NICOL1: variants seen among roughly 807,000 people sequenced by gnomAD.
NICOL1 encodes the protein NELL2 interacting cell ontogeny regulator 1.
At chr4:2,039,171 C>T in the NICOL1 span, among the ~76,000 whole-genome samples, 4 of 152,036 alleles carry the variant, frequency 2.6e-5, no homozygotes, top group South Asian at 2.1e-4. Context: ...CCCAGTACTT[C>T]GGGAGGCCAA....
chr4:2,041,907 G>T, the NICOL1 span: 1 of 1,350,338 alleles, frequency 7.4e-7, no homozygotes, highest in Non-Finnish European at 9.6e-7. Context: ...AGCGTCCTAG[G>T]TTCCTCTAAA....
At chr4:2,040,736 G>A in the NICOL1 span, among the ~76,000 whole-genome samples, 2 of 152,220 alleles carry the variant, frequency 1.3e-5, no homozygotes, top group Admixed American at 1.3e-4. Flanking sequence ...GTGCGTTTCA[G>A]CGCGCTGAGG....
At chr4:2,042,375 G>T in the NICOL1 span, 45 of 515,080 alleles carry the variant, frequency 8.7e-5, no homozygotes, top group East Asian at 1.6e-3. Flanking sequence ...CCGCGTGCCG[G>T]TCCCCGATGT....
At chr4:2,042,946 G>A in the NICOL1 span, 1 of 618,374 alleles carries the variant, frequency 1.6e-6, no homozygotes. Context: ...GATTTAAGAT[G>A]CCGCACCTTG....
chr4:2,042,777 C>T, the NICOL1 span: 2 of 1,518,900 alleles, frequency 1.3e-6, no homozygotes, highest in South Asian at 1.2e-5. Context: ...GTTCATGCAG[C>T]GCGCCCTGCA....
the NICOL1 span, among the ~76,000 whole-genome samples, chr4:2,038,373 G>C: frequency 6.7e-6 from 1 of 149,670 alleles, no homozygotes; most frequent in Non-Finnish European, 1.5e-5. Flanking sequence ...CTGCAGCCTC[G>C]AACTCCTAGG....
At chr4:2,043,781 G>T in the NICOL1 span, 24 of 1,221,544 alleles carry the variant, frequency 2.0e-5, no homozygotes, top group Non-Finnish European at 2.7e-5. Flanking sequence ...TGGAGATAGG[G>T]CTGCCTTGGG....
chr4:2,041,922 C>G, the NICOL1 span: 2 of 1,403,548 alleles, frequency 1.4e-6, no homozygotes, highest in African/African-American at 1.5e-5. Flanking sequence ...TCTAAACCCG[C>G]GGCCAGCGCA....
chr4:2,039,812 A>G, the NICOL1 span, among the ~76,000 whole-genome samples: 1 of 152,150 alleles, frequency 6.6e-6, no homozygotes, highest in Non-Finnish European at 1.5e-5. Flanking sequence ...TGCACTCCAG[A>G]CTGGGTAACA....
At chr4:2,043,935 C>A in the NICOL1 span, 3 of 1,542,552 alleles carry the variant, frequency 1.9e-6, no homozygotes, top group Non-Finnish European at 8.8e-7. Flanking sequence ...GAGGACCACG[C>A]TGCTCCGTGT....
At chr4:2,042,732 G>A in the NICOL1 span, 1 of 1,490,462 alleles carries the variant, frequency 6.7e-7, no homozygotes, top group Non-Finnish European at 8.9e-7. Context: ...CGCGCCCCCC[G>A]CAGGCCGCCC....
chr4:2,042,693 AC>A, the NICOL1 span: 149 of 1,183,882 alleles, frequency 1.3e-4, no homozygotes, highest in East Asian at 2.6e-4. Context: ...CTTGCGGGTG[AC>A]CCCCCCTGCG....
At chr4:2,042,562 A>C in the NICOL1 span, 3 of 474,354 alleles carry the variant, frequency 6.3e-6, no homozygotes, top group African/African-American at 4.1e-5. Flanking sequence ...CTCTGCGGGG[A>C]GGACCGCGCC....
chr4:2,042,052 G>A, the NICOL1 span: 4 of 1,475,330 alleles, frequency 2.7e-6, no homozygotes, highest in South Asian at 1.3e-5. Context: ...TGCTGGTCCC[G>A]GGGTCCCTGA....
chr4:2,040,624 G>A, the NICOL1 span, among the ~76,000 whole-genome samples: 3 of 152,202 alleles, frequency 2.0e-5, no homozygotes, highest in African/African-American at 7.2e-5. Flanking sequence ...GAGTGGAGAA[G>A]AGCGCGGAAG....
chr4:2,039,172 G>A, the NICOL1 span, among the ~76,000 whole-genome samples: 39 of 152,162 alleles, frequency 2.6e-4, no homozygotes, highest in African/African-American at 8.9e-4. Flanking sequence ...CCAGTACTTC[G>A]GGAGGCCAAG....
chr4:2,040,756 A>C, the NICOL1 span, among the ~76,000 whole-genome samples: 1 of 151,890 alleles, frequency 6.6e-6, no homozygotes, highest in Admixed American at 6.5e-5. Context: ...GATGCAGCAC[A>C]CCCCCGAGGT....
chr4:2,043,702 G>A, the NICOL1 span, among the ~76,000 whole-genome samples: 1 of 152,224 alleles, frequency 6.6e-6, no homozygotes, highest in Non-Finnish European at 1.5e-5. Flanking sequence ...GCAGAGGAAA[G>A]AGATGAGTGG....
At chr4:2,042,391 C>A in the NICOL1 span, 12 of 504,262 alleles carry the variant, frequency 2.4e-5, 1 homozygote, top group South Asian at 3.5e-4. Flanking sequence ...GATGTCACCG[C>A]CGCCGCCGCC....
Sources: allele counts gnomAD v4.1 joint callset (sites outside exome capture counted in the v4.1 genomes callset), GRCh38; gene constraint gnomAD v4.1.1; transcripts MANE v1.5; gene names NCBI Gene and HGNC (gene_info 2026-07-23, HGNC 2026-07-21).